Variants in ZCCHC2 observed in about 807,000 individuals in gnomAD.
The protein encoded by ZCCHC2 is zinc finger CCHC domain-containing protein 2.
ZCCHC2 carries 39 observed loss-of-function variants against 103.6 expected under a neutral mutation model. That is an observed-to-expected ratio of 0.38 (90% CI 0.29 to 0.49). The LOEUF is 0.49. ZCCHC2 is among the 20% of genes least tolerant of loss of function. ZCCHC2 has a pLI of 0.96. For missense variants in ZCCHC2, 1,483 were observed against 1,491.0 expected (o/e 0.99, Z 0.09); for synonymous variants, 687 against 608.9 (o/e 1.13, Z -1.89).
intron 4 of ZCCHC2, among the ~76,000 whole-genome samples, chr18:62,548,843 T>C (rs2145504929): frequency 1.3e-5 from 2 of 152,212 alleles, no homozygotes; most frequent in South Asian, 4.1e-4. Context: ...GAGAATCCCT[T>C]GAACCCAGAA....
At chr18:62,553,185 TG>T (rs1915742283) in intron 5 of ZCCHC2, among the ~76,000 whole-genome samples, 1 of 151,670 alleles carries the variant, frequency 6.6e-6, no homozygotes, top group Non-Finnish European at 1.5e-5. Flanking sequence ...TGTGTGTGTG[TG>T]TGTGTGTGTG....
At chr18:62,550,526 G>T (rs1176216413) in intron 5 of ZCCHC2, 66 bp downstream of exon 5, 3 of 1,140,488 alleles carry the variant, frequency 2.6e-6, no homozygotes, top group Non-Finnish European at 3.8e-6. Flanking sequence ...TCCAAATGGG[G>T]TCTTCAGGTG....
Position 62,574,536 on chromosome 18 carries a change from C to G in ZCCHC2, c.2455C>G (p.Pro819Ala). The change falls in exon 13 of 14, where the codon CCA becomes GCA. Residue 819 changes from proline (P) to alanine (A), a missense_variant. Coordinates refer to ENST00000269499, the MANE Select transcript of ZCCHC2 (RefSeq NM_017742.6). ...TACAGTTCAGAGGCTAAAGTTGCCA[C>G]CACCACAGGGATCTTCTGAGAGCTG... ...HLTVQRLKLP[P>A]PQGSSESCTV... 6.2e-7 allele frequency: 1 copy of G among 1,613,998 alleles called. No individual in the cohort carries two copies. The highest frequency in any genetic ancestry group is 8.5e-7 in the Non-Finnish European group (1 of 1,179,894).
chr18:62,563,441 T>G (rs1916212882), intron 9 of ZCCHC2, among the ~76,000 whole-genome samples: 1 of 152,134 alleles, frequency 6.6e-6, no homozygotes, highest in Non-Finnish European at 1.5e-5. Flanking sequence ...GGAGGATTGC[T>G]TGAGGCCACC....
Position 62,523,626 on chromosome 18 carries a change from G to C in ZCCHC2, c.202G>C (p.Gly68Arg). 2 of 1,219,756 alleles carry C rather than the reference G, an allele frequency of 1.6e-6. No homozygotes were observed. Among genetic ancestry groups the C allele is most frequent in the Non-Finnish European group, 2.0e-6 (2 of 981,264 alleles). 75.6% of individuals were successfully genotyped at this position (1,219,756 alleles called of 1,614,324 possible). A position where few individuals can be genotyped will look rare whatever the true frequency, so the allele number is the denominator to read the frequency against. The change falls in exon 1 of 14, where the codon GGG (glycine) becomes CGG (arginine). Residue 68 changes from glycine to arginine, a missense_variant. Gly to Arg is a moderately radical substitution (Grantham distance 125). Transcript: ENST00000269499. The stretch of plus-strand genomic sequence containing the variant: ...GCCGCCGCCGCCGCCCCGGGGACTC[G>C]GGCCGCCTGTTGCTGGTGGAGCGGC... The part of the protein sequence containing the change: ...LPPPPPPRGL[G>R]PPVAGGAAAG...
intron 11 of ZCCHC2, among the ~76,000 whole-genome samples, chr18:62,568,765 GGTT>G (rs1916473982): frequency 6.6e-6 from 1 of 152,152 alleles, no homozygotes; most frequent in Admixed American, 6.5e-5. Context: ...CTTGATCTTG[GGTT>G]GTTCATTTTG....
chr18:62,539,005 TG>T (rs1377251865), intron 1 of ZCCHC2, among the ~76,000 whole-genome samples: 2 of 125,026 alleles, frequency 1.6e-5, no homozygotes, highest in East Asian at 5.0e-4. Context: ...TTACTTAATA[TG>T]ATGTTGTAAC....
chr18:62,548,363 C>T (rs949190734), intron 4 of ZCCHC2, among the ~76,000 whole-genome samples: 2 of 152,154 alleles, frequency 1.3e-5, no homozygotes, highest in African/African-American at 4.8e-5. Flanking sequence ...ATACTGATGA[C>T]TGCTTACCTG....
chr18:62,547,182 C>T (rs921593988), intron 4 of ZCCHC2, among the ~76,000 whole-genome samples: 3 of 151,980 alleles, frequency 2.0e-5, no homozygotes, highest in African/African-American at 7.3e-5. Flanking sequence ...AAAAATTAGC[C>T]AGGCATGGTG....
intron 4 of ZCCHC2, among the ~76,000 whole-genome samples, 155 bp from the exon 5 acceptor site, chr18:62,550,193 T>C (rs1915603040): frequency 6.6e-6 from 1 of 152,220 alleles, no homozygotes; most frequent in South Asian, 2.1e-4. Context: ...GCTGCTTCAT[T>C]ATGGGGTCAG....
At chr18:62,553,680 C>G (rs532030461) in intron 5 of ZCCHC2, among the ~76,000 whole-genome samples, 1 of 152,256 alleles carries the variant, frequency 6.6e-6, no homozygotes, top group South Asian at 2.1e-4. Flanking sequence ...CACTTTATGT[C>G]TTCTGAGGCC....
intron 1 of ZCCHC2, among the ~76,000 whole-genome samples, chr18:62,534,502 T>C (rs910250506): frequency 1.3e-5 from 2 of 152,204 alleles, no homozygotes; most frequent in Non-Finnish European, 2.9e-5. Flanking sequence ...CAGTTTATGA[T>C]CTACTTGAGG....
Position 62,575,297 on chromosome 18 carries a change from T to C in ZCCHC2, c.3216T>C (p.Pro1072=), listed in dbSNP as rs770118280. The change falls in exon 13 of 14, where the codon CCT becomes CCC. Residue 1072 remains proline (P), a synonymous_variant. Transcript: ENST00000269499. ...ATCAGAGCAATGGAAACCAACTTCC[T>C]TTTTTTCTGCCTCAGACTCCATATG... ...QAHQSNGNQL[P]FFLPQTPYAN... 1 of 1,613,694 alleles carries C rather than the reference T, an allele frequency of 6.2e-7. No individual in the cohort carries two copies. The highest frequency in any genetic ancestry group is 8.5e-7 in the Non-Finnish European group (1 of 1,179,796).
chr18:62,531,512 G>A (rs1361410657), intron 1 of ZCCHC2, among the ~76,000 whole-genome samples: 1 of 152,262 alleles, frequency 6.6e-6, no homozygotes, highest in Non-Finnish European at 1.5e-5. Context: ...ATAAAATAGG[G>A]ATATCATTCC....
rs568480076 is a variant in ZCCHC2, at chr18:62,540,568, G to A, written c.1051+776G>A. Among the ~76,000 whole-genome samples, 10 of 151,938 alleles carry A rather than the reference G, an allele frequency of 6.6e-5. No individual in the cohort carries two copies. The East Asian group carries it at 1.9e-3, about 29-fold the overall frequency. ...GACCACTTCTATTCAAGACGATCAC[G>A]GTACTCCTATCTTCCCAACTAAAGT... On this transcript the variant is annotated intron_variant, in intron 2 of 13. Transcript: ENST00000269499.
chr18:62,550,529 T>G, intron 5 of ZCCHC2, 69 bp downstream of exon 5: 1 of 1,109,342 alleles, frequency 9.0e-7, no homozygotes, highest in African/African-American at 1.6e-5. Flanking sequence ...AAATGGGGTC[T>G]TCAGGTGGGG....
At chr18:62,543,827 C>T (rs1036758746) in intron 3 of ZCCHC2, among the ~76,000 whole-genome samples, 1 of 152,084 alleles carries the variant, frequency 6.6e-6, no homozygotes, top group Non-Finnish European at 1.5e-5. Flanking sequence ...ACTCAGTCAG[C>T]GGAGACTTAA....
rs771852972 is a variant in ZCCHC2 at position 62,574,884 on chromosome 18, G to A, written c.2803G>A (p.Val935Met). ...CGTGTTACCCAGCCAGAACTCCAGT[G>A]TGCTCAGCACAGCAGCAACTTCTCC... The part of the protein sequence containing the change: ...AGVLPSQNSS[V>M]LSTAATSPQP... Residue 935 changes from valine to methionine, a missense_variant, in exon 13 of 14, where the codon GTG (valine) becomes ATG (methionine). Transcript: ENST00000269499. 1.2e-6 allele frequency: 2 copies of A among 1,613,846 alleles called. No homozygotes were observed. The highest frequency in any genetic ancestry group is 1.1e-5 in the South Asian group (1 of 91,080).
chr18:62,534,869 A>G (rs941274399), intron 1 of ZCCHC2, among the ~76,000 whole-genome samples: 4 of 152,278 alleles, frequency 2.6e-5, no homozygotes, highest in African/African-American at 9.6e-5. Context: ...TTCTATAATA[A>G]CTAGTGGTGT....
Sources: allele counts gnomAD v4.1 joint callset (sites outside exome capture counted in the v4.1 genomes callset), GRCh38; gene constraint gnomAD v4.1.1; transcripts MANE v1.5; gene names NCBI Gene and HGNC (gene_info 2026-07-23, HGNC 2026-07-21).